TMEFF2: variants seen among roughly 807,000 people sequenced by gnomAD.
TMEFF2 encodes transmembrane protein with EGF like and two follistatin like domains 2, also known as tomoregulin-2.
Under a neutral mutation model 53.8 loss-of-function variants are expected in TMEFF2, and 28 were observed. That is an observed-to-expected ratio of 0.52 (90% CI 0.39 to 0.71). The LOEUF is 0.71. Ranked by LOEUF, TMEFF2 falls within the 30% of genes least tolerant of loss-of-function variation. The pLI is 0.00. For synonymous variants in TMEFF2, 162 were observed against 166.3 expected (o/e 0.97, Z 0.20); for missense variants, 353 against 455.2 (o/e 0.78, Z 2.04).
At chr2:192,049,933 G>A (rs144981531) in intron 5 of TMEFF2, among the ~76,000 whole-genome samples, 3,429 of 152,164 alleles carry the variant, frequency 0.023, 114 homozygotes, top group African/African-American at 0.075. Context: ...CCTGGAAGGC[G>A]GAGCTTGCAG....
At chr2:192,137,860 T>C (rs879513795) in intron 4 of TMEFF2, among the ~76,000 whole-genome samples, 1 of 151,248 alleles carries the variant, frequency 6.6e-6, no homozygotes, top group Admixed American at 6.6e-5. Flanking sequence ...TGGAGTGCAG[T>C]GGTGCGATCT....
At chr2:192,166,102 A>C (rs1690759949) in intron 4 of TMEFF2, among the ~76,000 whole-genome samples, 1 of 152,198 alleles carries the variant, frequency 6.6e-6, no homozygotes, top group Admixed American at 6.6e-5. Flanking sequence ...GTGTTGAGCC[A>C]GATGAAACTT....
intron 5 of TMEFF2, among the ~76,000 whole-genome samples, chr2:192,045,061 C>T (rs1056144402): frequency 6.6e-6 from 1 of 152,190 alleles, no homozygotes; most frequent in African/African-American, 2.4e-5. Context: ...TTCTCTCTCC[C>T]GCCTGCTTCT....
chr2:192,159,847 GA>G (rs1161150733), intron 4 of TMEFF2, among the ~76,000 whole-genome samples: 10 of 152,104 alleles, frequency 6.6e-5, no homozygotes, highest in African/African-American at 2.4e-4. Flanking sequence ...TGTTGATCAA[GA>G]AATAAAAGTC....
At chr2:192,099,498 G>T (rs1688986018) in intron 4 of TMEFF2, among the ~76,000 whole-genome samples, 1 of 152,124 alleles carries the variant, frequency 6.6e-6, no homozygotes, top group Non-Finnish European at 1.5e-5. Flanking sequence ...AATTTTCTTG[G>T]GTTGGCAATG....
chr2:192,115,974 G>A (rs2356947), intron 4 of TMEFF2, among the ~76,000 whole-genome samples: 65,290 of 151,670 alleles, frequency 0.43, 14,275 homozygotes, highest in South Asian at 0.49. Context: ...CCATCAATCT[G>A]TTCTTCTGGG....
chr2:192,193,253 A>G (rs866513309), intron 1 of TMEFF2, among the ~76,000 whole-genome samples: 1 of 152,348 alleles, frequency 6.6e-6, no homozygotes. Context: ...TGCTAAAACT[A>G]GAACAGACCA....
At chr2:192,075,631 G>A (rs912837373) in intron 4 of TMEFF2, among the ~76,000 whole-genome samples, 2 of 151,658 alleles carry the variant, frequency 1.3e-5, no homozygotes, top group Non-Finnish European at 2.9e-5. Context: ...ATGATAAGCT[G>A]GGAATCTGCC....
intron 7 of TMEFF2, among the ~76,000 whole-genome samples, chr2:191,971,056 ACTTGCTT>A (rs1692625873): frequency 1.3e-5 from 2 of 152,184 alleles, no homozygotes; most frequent in South Asian, 4.1e-4. Context: ...TGAACAACTG[ACTTGCTT>A]CTGGCACTTC....
chr2:192,160,698 G>A (rs1429368199), intron 4 of TMEFF2, among the ~76,000 whole-genome samples: 2 of 151,872 alleles, frequency 1.3e-5, no homozygotes, highest in Non-Finnish European at 1.5e-5. Context: ...ACATTACAAA[G>A]GCACCATGAT....
chr2:192,132,445 T>A (rs1028248717), intron 4 of TMEFF2, among the ~76,000 whole-genome samples: 7 of 152,014 alleles, frequency 4.6e-5, no homozygotes, highest in Admixed American at 1.3e-4. Flanking sequence ...TCATTCTCAA[T>A]ATACATTTTA....
At chr2:191,982,452 T>C (rs1685875449) in intron 7 of TMEFF2, among the ~76,000 whole-genome samples, 1 of 142,916 alleles carries the variant, frequency 7.0e-6, no homozygotes, top group Non-Finnish European at 1.5e-5. Flanking sequence ...GCCTCACTTC[T>C]AAGATATTAT....
chr2:192,016,801 G>A (rs955466982), intron 5 of TMEFF2, among the ~76,000 whole-genome samples: 1 of 152,162 alleles, frequency 6.6e-6, no homozygotes, highest in African/African-American at 2.4e-5. Context: ...AAGAAAAATT[G>A]CAAAGCAGAA....
chr2:192,039,839 C>T (rs990473875), intron 5 of TMEFF2, among the ~76,000 whole-genome samples: 1 of 152,078 alleles, frequency 6.6e-6, no homozygotes, highest in Non-Finnish European at 1.5e-5. Flanking sequence ...TAATCTCTGG[C>T]TGAGATTATT....
At position 191,999,301 on chromosome 2, in the gene TMEFF2, A is replaced by C. The variant is rs191380699; in HGVS notation, c.537-93T>G. On this transcript the variant is annotated intron_variant, in intron 5 of 9. Transcript: ENST00000272771. Reference sequence around the variant, plus strand: ...AAATGAAAGAATTGCTAAGTTGACAAAATGCAAGTTGGCAAAATTGAATTG... The same window carrying C: ...AAATGAAAGAATTGCTAAGTTGACACAATGCAAGTTGGCAAAATTGAATTG... 331 of 1,182,836 alleles carry C rather than the reference A, an allele frequency of 2.8e-4. No individual in the cohort carries two copies. In the African/African-American group the frequency reaches 4.7e-3, roughly 17 times the overall value. 73.3% of individuals were successfully genotyped at this position (1,182,836 alleles called of 1,614,324 possible). A position where few individuals can be genotyped will look rare whatever the true frequency, so the allele number is the denominator to read the frequency against.
chr2:192,011,295 A>G (rs953934251), intron 5 of TMEFF2, among the ~76,000 whole-genome samples: 5 of 152,208 alleles, frequency 3.3e-5, no homozygotes, highest in Non-Finnish European at 7.3e-5. Flanking sequence ...AATCCTCATT[A>G]ATCCATTCAT....
intron 5 of TMEFF2, among the ~76,000 whole-genome samples, chr2:192,043,497 C>A (rs1203271750): frequency 6.6e-6 from 1 of 152,188 alleles, no homozygotes; most frequent in East Asian, 1.9e-4. Context: ...TGGACACTAG[C>A]TCTGAACTGA....
At chr2:192,104,390 C>G (rs1689099853) in intron 4 of TMEFF2, among the ~76,000 whole-genome samples, 1 of 152,048 alleles carries the variant, frequency 6.6e-6, no homozygotes, top group East Asian at 1.9e-4. Flanking sequence ...AATACATAAC[C>G]TATCTACATA....
At chr2:192,169,169 G>A (rs376688394) in intron 4 of TMEFF2, among the ~76,000 whole-genome samples, 11 of 152,204 alleles carry the variant, frequency 7.2e-5, no homozygotes, top group East Asian at 3.9e-4. Flanking sequence ...CTATTTGAAT[G>A]AATCAGACTG....
Sources: allele counts gnomAD v4.1 joint callset (sites outside exome capture counted in the v4.1 genomes callset), GRCh38; gene constraint gnomAD v4.1.1; transcripts MANE v1.5; gene names NCBI Gene and HGNC (gene_info 2026-07-23, HGNC 2026-07-21).